The following MCTP1 variants were observed in gnomAD, a reference collection of about 807,000 sequenced individuals.
MCTP1 encodes the protein multiple C2 and transmembrane domain-containing protein 1.
MCTP1 carries 69 observed loss-of-function variants against 120.6 expected under a neutral mutation model. The ratio of observed to expected loss-of-function variants is 0.57; its 90% CI spans 0.47 to 0.70. The LOEUF (loss-of-function observed/expected upper bound fraction) is 0.70, where lower values mean the gene tolerates loss of function less well. Among genes scored for constraint, MCTP1 ranks in the 30% least tolerant of loss-of-function variants. MCTP1 has a pLI of 0.00. For synonymous variants in MCTP1, 529 were observed against 493.1 expected (o/e 1.07, Z -0.96); for missense variants, 1,203 against 1,248.8 (o/e 0.96, Z 0.55).
chr5:94,802,486 C>G (rs1781421181), intron 17 of MCTP1, among the ~76,000 whole-genome samples: 1 of 152,292 alleles, frequency 6.6e-6, no homozygotes, highest in South Asian at 2.1e-4. Context: ...TTAGCTCATT[C>G]ACTCCACACT....
At chr5:95,122,442 CAAT>C (rs1035261108) in intron 1 of MCTP1, among the ~76,000 whole-genome samples, 4 of 152,058 alleles carry the variant, frequency 2.6e-5, no homozygotes, top group African/African-American at 9.7e-5. Flanking sequence ...ATCAAAACAA[CAAT>C]GAGATATCAT....
intron 17 of MCTP1, among the ~76,000 whole-genome samples, chr5:94,845,392 G>A (rs951123568): frequency 6.6e-6 from 1 of 152,088 alleles, no homozygotes; most frequent in Admixed American, 6.6e-5. Flanking sequence ...TGGGAAAACC[G>A]GGCCCCATGA....
intron 1 of MCTP1, among the ~76,000 whole-genome samples, chr5:95,054,102 G>C (rs560693096): frequency 1.3e-5 from 2 of 152,008 alleles, no homozygotes; most frequent in African/African-American, 4.8e-5. Context: ...TTGCTTTTAG[G>C]GATTTCAAAT....
intron 5 of MCTP1, among the ~76,000 whole-genome samples, chr5:94,938,046 C>T (rs942726131): frequency 2.0e-5 from 3 of 152,024 alleles, no homozygotes; most frequent in African/African-American, 4.8e-5. Context: ...TTCCCTCCAT[C>T]TCTACCTCTG....
At chr5:95,185,900 G>T (rs908512517) in intron 1 of MCTP1, among the ~76,000 whole-genome samples, 2 of 152,100 alleles carry the variant, frequency 1.3e-5, no homozygotes, top group Admixed American at 6.5e-5. Flanking sequence ...TGAGGCAAAA[G>T]AATCGCTTGA....
At chr5:95,072,782 G>T (rs1251422382) in intron 1 of MCTP1, among the ~76,000 whole-genome samples, 1 of 114,034 alleles carries the variant, frequency 8.8e-6, no homozygotes, top group African/African-American at 3.5e-5. Context: ...GTCTCGCTCT[G>T]TCGCCCAGGC....
chr5:95,061,008 T>C (rs1748892979), intron 1 of MCTP1, among the ~76,000 whole-genome samples: 1 of 150,038 alleles, frequency 6.7e-6, no homozygotes, highest in Admixed American at 6.6e-5. Context: ...GTACATTTTT[T>C]TTTTTTTTTT....
intron 19 of MCTP1, among the ~76,000 whole-genome samples, chr5:94,721,862 C>A (rs1320727139): frequency 2.4e-5 from 3 of 124,644 alleles, no homozygotes; most frequent in Non-Finnish European, 3.4e-5. Context: ...TTTTTTAATG[C>A]ATTATTAAGG....
chr5:94,990,369 C>T (rs535863711), intron 2 of MCTP1, among the ~76,000 whole-genome samples: 1 of 152,312 alleles, frequency 6.6e-6, no homozygotes, highest in South Asian at 2.1e-4. Context: ...ACTGAGTTCT[C>T]ATCTGGACCC....
chr5:95,034,361 G>A (rs1840859148), intron 1 of MCTP1, among the ~76,000 whole-genome samples: 1 of 152,106 alleles, frequency 6.6e-6, no homozygotes, highest in Admixed American at 6.6e-5. Context: ...GCACGGCACT[G>A]CTACAAAAAT....
intron 6 of MCTP1, among the ~76,000 whole-genome samples, chr5:94,927,350 C>A (rs1813404982): frequency 6.6e-6 from 1 of 152,084 alleles, no homozygotes; most frequent in Non-Finnish European, 1.5e-5. Flanking sequence ...GATTTTATAA[C>A]ATTTCCAAAT....
intron 19 of MCTP1, among the ~76,000 whole-genome samples, chr5:94,740,782 G>T (rs942995589): frequency 6.6e-6 from 1 of 152,132 alleles, no homozygotes; most frequent in African/African-American, 2.4e-5. Context: ...ATGCTCTTGA[G>T]GAGTTGAACA....
chr5:95,002,763 T>C (rs893677997), intron 2 of MCTP1, among the ~76,000 whole-genome samples: 1 of 152,172 alleles, frequency 6.6e-6, no homozygotes, highest in African/African-American at 2.4e-5. Context: ...GGACTTGGAC[T>C]TTTGGGTTAA....
intron 6 of MCTP1, chr5:94,930,595 C>CTTTTA (rs1561876743): frequency 6.6e-6 from 1 of 151,872 alleles, no homozygotes; most frequent in Non-Finnish European, 1.5e-5. Context: ...TCTAATCTTC[C>CTTTTA]TTTTATACAA....
chr5:94,817,041 G>A (rs1358305904), intron 17 of MCTP1, among the ~76,000 whole-genome samples: 2 of 152,138 alleles, frequency 1.3e-5, no homozygotes. Context: ...TAACAGAGAA[G>A]CCCTATGTCT....
chr5:95,009,546 C>T (rs964822263), intron 2 of MCTP1, among the ~76,000 whole-genome samples: 12 of 150,302 alleles, frequency 8.0e-5, no homozygotes, highest in South Asian at 2.1e-4. Context: ...ATATGTATGC[C>T]CCAGTTATTA....
At chr5:95,030,507 C>T (rs1051252455) in intron 1 of MCTP1, among the ~76,000 whole-genome samples, 9 of 152,110 alleles carry the variant, frequency 5.9e-5, no homozygotes, top group Non-Finnish European at 1.3e-4. Context: ...TCCAATACAC[C>T]AGTACAACAA....
At chr5:94,712,951 C>T (rs1757622430) in intron 20 of MCTP1, among the ~76,000 whole-genome samples, 1 of 151,780 alleles carries the variant, frequency 6.6e-6, no homozygotes, top group Non-Finnish European at 1.5e-5. Flanking sequence ...GGATAAATGG[C>T]AAAGAATCCC....
chr5:95,246,156 T>C (rs901979970), intron 1 of MCTP1, among the ~76,000 whole-genome samples: 1 of 152,066 alleles, frequency 6.6e-6, no homozygotes, highest in African/African-American at 2.4e-5. Flanking sequence ...CAGGCCTGCA[T>C]TACAAGAGCT....
Sources: gnomAD v4.1 joint callset for allele counts (sites outside exome capture counted in the v4.1 genomes callset) on GRCh38, gnomAD v4.1.1 for gene constraint, MANE v1.5 for transcripts, NCBI Gene and HGNC (gene_info 2026-07-23, HGNC 2026-07-21) for gene names.